PROKR2: variants seen among roughly 807,000 people sequenced by gnomAD.
The protein encoded by PROKR2 is prokineticin receptor 2.
Under a neutral mutation model 23.4 loss-of-function variants are expected in PROKR2, and 26 were observed. The observed-to-expected ratio is 1.11, with a 90% CI of 0.81 to 1.54. PROKR2 has a LOEUF of 1.54. PROKR2 is among the 40% of genes most tolerant of loss of function. The pLI is 0.00. For synonymous variants in PROKR2, 212 were observed against 201.2 expected (o/e 1.05, Z -0.45); for missense variants, 453 against 511.5 (o/e 0.89, Z 1.10).
intron 1 of PROKR2, among the ~76,000 whole-genome samples, chr20:5,314,677 T>C (rs1368952363): frequency 6.6e-6 from 1 of 152,182 alleles, no homozygotes; most frequent in African/African-American, 2.4e-5. Context: ...TGCCCAGCTG[T>C]CAGGAAGGAC....
chr20:5,302,748 G>A lies in PROKR2; in HGVS notation c.459-12C>T, dbSNP rs568265016. 17 of 1,602,764 alleles carry A rather than the reference G, an allele frequency of 1.1e-5. No homozygotes were observed. In the Admixed American group the frequency reaches 2.7e-4, roughly 25 times the overall value. On this transcript the variant is annotated splice_polypyrimidine_tract_variant and intron_variant, in intron 2 of 2. Transcript: ENST00000678254. ...CGATGGCGAGATATCTGGTGGGGGA[G>A]GGAAGCCAACAGTAGTAATGATGAA...
chr20:5,309,575 T>C (rs1338094193), intron 2 of PROKR2, among the ~76,000 whole-genome samples: 1 of 152,256 alleles, frequency 6.6e-6, no homozygotes, highest in Admixed American at 6.5e-5. Context: ...ATAATTTCTA[T>C]ATTTTAAGAT....
At chr20:5,305,560 G>A (rs1250702243) in intron 2 of PROKR2, among the ~76,000 whole-genome samples, 1 of 152,118 alleles carries the variant, frequency 6.6e-6, no homozygotes, top group Non-Finnish European at 1.5e-5. Context: ...TGCCGTATGT[G>A]GAAATGGGGA....
chr20:5,300,594 A>G lies in PROKR2; in HGVS notation c.*1446T>C, dbSNP rs1216521791. 6.6e-6 allele frequency among the ~76,000 whole-genome samples: 1 copy of G among 152,200 alleles called. No individual in the cohort carries two copies. Among genetic ancestry groups the G allele is most frequent in the Non-Finnish European group, 1.5e-5 (1 of 68,026 alleles). Reference sequence around the variant, plus strand: ...AATGGGCTCTCCCAACAGTCTTGCAAGGTATGAAGAGCGGATATTTTCATC... The same window carrying G: ...AATGGGCTCTCCCAACAGTCTTGCAGGGTATGAAGAGCGGATATTTTCATC... On this transcript the variant is annotated 3_prime_UTR_variant, in exon 3 of 3. Transcript: ENST00000678254.
At chr20:5,313,833 A>C in intron 2 of PROKR2, 79 bp downstream of exon 2, 3 of 1,206,904 alleles carry the variant, frequency 2.5e-6, no homozygotes, top group Non-Finnish European at 3.6e-6. Context: ...ATCTGGAGCA[A>C]TGTCAGCCTG....
chr20:5,302,577 G>A lies in PROKR2; in HGVS notation c.618C>T (p.Ile206=). The change falls in exon 3 of 3, where the codon ATC becomes ATT. Residue 206 remains isoleucine (I), a synonymous_variant. Coordinates refer to ENST00000678254, the MANE Select transcript of PROKR2 (RefSeq NM_144773.4). ...VLFIVKSQEK[I]FCGQIWPVDQ... ...CCACAGGCCAGATCTGGCCACAGAA[G>A]ATCTTCTCCTGGCTCTTGACAATAA... is the stretch of plus-strand genomic sequence containing the variant. 6.2e-7 allele frequency: 1 copy of A among 1,614,160 alleles called. No homozygotes were observed. Among genetic ancestry groups the A allele is most frequent in the Non-Finnish European group, 8.5e-7 (1 of 1,180,022 alleles).
intron 2 of PROKR2, among the ~76,000 whole-genome samples, chr20:5,312,837 C>T (rs1392849141): frequency 6.6e-6 from 1 of 152,168 alleles, no homozygotes; most frequent in Non-Finnish European, 1.5e-5. Context: ...TTCACATAAA[C>T]AAAATGTGTG....
In PROKR2 at chr20:5,314,131, C is replaced by T. The variant is rs768671137; in HGVS notation, c.239G>A (p.Arg80His). Residue 80 changes from arginine (R) to histidine (H), a missense_variant, in exon 2 of 3, where the codon CGC (arginine) becomes CAC (histidine). Coordinates refer to ENST00000678254, the MANE Select transcript of PROKR2 (RefSeq NM_144773.4). ...GGTGAGGTTGCGCAACTTCTTATAG[C>T]GGGTGAGGGCAGCGATAAAGACAAA... is the stretch of plus-strand genomic sequence containing the variant. ...GNFVFIAALT[R>H]YKKLRNLTNL... 24 of 1,614,020 alleles carry T rather than the reference C, an allele frequency of 1.5e-5. No individual in the cohort carries two copies. Among genetic ancestry groups the T allele is most frequent in the African/African-American group, 5.3e-5 (4 of 74,886 alleles).
rs1351702997 is a variant in PROKR2 at position 5,302,278 on chromosome 20, A to C, written c.917T>G (p.Val306Gly). The C allele has an allele frequency of 6.2e-7, 1 of 1,614,218 alleles. No individual in the cohort carries two copies. The highest frequency in any genetic ancestry group is 1.6e-4 in the Middle Eastern group (1 of 6,062). Residue 306 changes from valine to glycine, a missense_variant, in exon 3 of 3, where the codon GTG becomes GGG. By Grantham distance (109) the Val-to-Gly change is moderately radical. Coordinates refer to ENST00000678254, the MANE Select transcript of PROKR2 (RefSeq NM_144773.4). ...IVRDFFPTVF[V>G]KEKHYLTAFY... is the part of the protein sequence containing the mutation. ...GGCAGTGAGGTAGTGCTTTTCCTTC[A>C]CGAACACAGTGGGGAAGAAGTCACG...
rs759151427 is a variant in PROKR2 at position 5,301,225 on chromosome 20, GTTGT to G, written c.*811_*814del. Among the ~76,000 whole-genome samples, 123 of 144,822 alleles carry G rather than the reference GTTGT, an allele frequency of 8.5e-4. No individual in the cohort carries two copies. Among genetic ancestry groups the G allele is most frequent in the African/African-American group, 2.2e-3 (86 of 39,536 alleles). ...CGTTGGTTGTTGTTGTTGTTGTTTT[GTTGT>G]TTGTTTGTTTGTTTTTTTCCTGAGA... On this transcript the variant is annotated 3_prime_UTR_variant, in exon 3 of 3. Transcript: ENST00000678254.
intron 2 of PROKR2, among the ~76,000 whole-genome samples, chr20:5,309,588 G>A (rs935376829): frequency 6.6e-6 from 1 of 152,204 alleles, no homozygotes; most frequent in Non-Finnish European, 1.5e-5. Context: ...TTTAAGATCA[G>A]CTGATTAGCA....
intron 2 of PROKR2, among the ~76,000 whole-genome samples, chr20:5,310,453 T>TCC (rs1396202685): frequency 6.6e-6 from 1 of 152,216 alleles, no homozygotes; most frequent in Non-Finnish European, 1.5e-5. Flanking sequence ...ATTCTGGGAT[T>TCC]GACTGTGCCC....
chr20:5,305,510 A>C (rs1343222506), intron 2 of PROKR2, among the ~76,000 whole-genome samples: 2 of 152,222 alleles, frequency 1.3e-5, no homozygotes, highest in Non-Finnish European at 2.9e-5. Context: ...TGTTCCCTGC[A>C]AAGCAGAGCC....
intron 2 of PROKR2, among the ~76,000 whole-genome samples, chr20:5,307,350 G>A (rs1424163757): frequency 6.6e-6 from 1 of 151,772 alleles, no homozygotes; most frequent in Admixed American, 6.6e-5. Context: ...ATACTTCTTG[G>A]GCATATTTAT....
In PROKR2 at chr20:5,300,284, G is replaced by A. The variant is rs1002992834; in HGVS notation, c.*1756C>T. On this transcript the variant is annotated 3_prime_UTR_variant, in exon 3 of 3. Coordinates refer to ENST00000678254, the MANE Select transcript of PROKR2 (RefSeq NM_144773.4). ...GAGGACTGTCAACACTTCTAAGACC[G>A]CAGGGATGCTGAGAGTCTTGGGGTC... 4.6e-5 allele frequency among the ~76,000 whole-genome samples: 7 copies of A among 152,204 alleles called. No individual in the cohort carries two copies. The highest frequency in any genetic ancestry group is 1.4e-4 in the African/African-American group (6 of 41,456).
At chr20:5,314,486 C>T in intron 1 of PROKR2, 109 bp from the exon 2 acceptor site, 1 of 891,338 alleles carries the variant, frequency 1.1e-6, no homozygotes. Flanking sequence ...GGAGAGTTGA[C>T]TCACCGTCCT....
intron 2 of PROKR2, among the ~76,000 whole-genome samples, chr20:5,312,849 A>G (rs1979491808): frequency 6.6e-6 from 1 of 152,372 alleles, no homozygotes; most frequent in South Asian, 2.1e-4. Context: ...AAATGTGTGT[A>G]AGATTTGTCA....
intron 2 of PROKR2, 113 bp from the exon 3 acceptor site, chr20:5,302,849 T>C: frequency 1.3e-6 from 1 of 769,454 alleles, no homozygotes; most frequent in Non-Finnish European, 2.2e-6. Flanking sequence ...CATGTACTTG[T>C]TATCCAGCTT....
intron 2 of PROKR2, 131 bp from the exon 3 acceptor site, chr20:5,302,867 C>T: frequency 2.8e-6 from 2 of 709,732 alleles, no homozygotes; most frequent in Non-Finnish European, 4.8e-6. Context: ...CTTTAACAAG[C>T]TTCATCTTAT....
Sources: gnomAD v4.1 joint callset for allele counts (sites outside exome capture counted in the v4.1 genomes callset) on GRCh38, gnomAD v4.1.1 for gene constraint, MANE v1.5 for transcripts, NCBI Gene and HGNC (gene_info 2026-07-23, HGNC 2026-07-21) for gene names.